The following GFRA1 variants were observed in gnomAD, a reference collection of about 807,000 sequenced individuals.
The protein encoded by GFRA1 is GDNF family receptor alpha-1.
In GFRA1, 16 loss-of-function variants were observed where a neutral mutation model predicts 51.6. The observed-to-expected ratio is 0.31, with a 90% confidence interval of 0.21 to 0.47. The LOEUF (loss-of-function observed/expected upper bound fraction) is 0.47. GFRA1 is among the 20% of genes least tolerant of loss of function. The probability of loss-of-function intolerance (pLI) is 1.00; values close to 1 mark genes in which losing one functional copy is unlikely to be tolerated. For synonymous variants in GFRA1, 270 were observed against 241.3 expected (o/e 1.12, Z -1.10); for missense variants, 530 against 594.3 (o/e 0.89, Z 1.13).
At chr10:116,145,618 A>T (rs1056898286) in intron 5 of GFRA1, among the ~76,000 whole-genome samples, 1 of 152,222 alleles carries the variant, frequency 6.6e-6, no homozygotes, top group Non-Finnish European at 1.5e-5. Flanking sequence ...ACTTATGTTA[A>T]AATATTTTAT....
At position 116,064,427 on chromosome 10, in the gene GFRA1, T is replaced by C. The variant is rs201596780; in HGVS notation, c.1369A>G (p.Thr457Ala). 2 of 1,612,924 alleles carry C rather than the reference T, an allele frequency of 1.2e-6. No homozygotes were observed. Among genetic ancestry groups the C allele is most frequent in the South Asian group, 2.2e-5 (2 of 90,992 alleles). Reference protein sequence around the residue: ...LLVLVVTALSTLLSLTETS With the variant: ...LLVLVVTALSALLSLTETS ...GATGTTTCTGTTAAAGATAATAGGG[T>C]GGACAGAGCGGTTACCACCAGGACC... The change falls in exon 11 of 11, where the codon ACC becomes GCC. Residue 457 changes from threonine to alanine, a missense_variant. Physicochemically the swap from Thr to Ala is moderately conservative, Grantham distance 58. Transcript: ENST00000355422.
intron 4 of GFRA1, among the ~76,000 whole-genome samples, chr10:116,226,461 GGCTTT>G (rs1966300226): frequency 6.6e-6 from 1 of 152,116 alleles, no homozygotes; most frequent in Admixed American, 6.6e-5. Flanking sequence ...ATCGACAAGC[GGCTTT>G]GCATGTCATC....
Position 116,208,848 on chromosome 10 carries a change from C to G in GFRA1, c.433+2783G>C, listed in dbSNP as rs1012176309. 3.9e-5 allele frequency among the ~76,000 whole-genome samples: 6 copies of G among 152,226 alleles called. No homozygotes were observed. The South Asian group carries it at 1.2e-3, about 32-fold the overall frequency. On this transcript the variant is annotated intron_variant, in intron 5 of 10. Transcript: ENST00000355422. ...TAGTAAATGATTGGTATTAAAGTAC[C>G]CTAAAACTCATGACCCTAGACACAC...
At chr10:116,244,426 T>C (rs1314282570) in intron 4 of GFRA1, among the ~76,000 whole-genome samples, 2 of 147,058 alleles carry the variant, frequency 1.4e-5, no homozygotes, top group Non-Finnish European at 1.5e-5. Context: ...TTTTATTTCA[T>C]TTAATGTTAA....
intron 4 of GFRA1, among the ~76,000 whole-genome samples, chr10:116,244,612 TAGAA>T (rs1465981185): frequency 2.0e-5 from 3 of 151,392 alleles, no homozygotes; most frequent in Non-Finnish European, 4.4e-5. Flanking sequence ...CAACAAAACA[TAGAA>T]GGAGAGAGGA....
intron 4 of GFRA1, among the ~76,000 whole-genome samples, chr10:116,223,710 T>C (rs114473416): frequency 0.01 from 1,541 of 152,352 alleles, 25 homozygotes; most frequent in African/African-American, 0.035. Flanking sequence ...TAAATGTGAT[T>C]ACCACAGTTC....
chr10:116,212,973 A>G (rs1280665282), intron 4 of GFRA1, among the ~76,000 whole-genome samples: 1 of 152,214 alleles, frequency 6.6e-6, no homozygotes, highest in Non-Finnish European at 1.5e-5. Flanking sequence ...TCATTTGCTC[A>G]TGCTTTCTCA....
intron 5 of GFRA1, among the ~76,000 whole-genome samples, chr10:116,131,685 C>T (rs1356036128): frequency 2.0e-5 from 3 of 151,930 alleles, no homozygotes; most frequent in Admixed American, 6.6e-5. Context: ...ATATATAGTT[C>T]GGGAATAGGC....
At chr10:116,166,657 A>G (rs928830172) in intron 5 of GFRA1, among the ~76,000 whole-genome samples, 3 of 152,134 alleles carry the variant, frequency 2.0e-5, no homozygotes, top group Admixed American at 1.3e-4. Flanking sequence ...CCTAGAGACA[A>G]GAAGGGAGGA....
intron 5 of GFRA1, among the ~76,000 whole-genome samples, chr10:116,163,620 C>T (rs377023151): frequency 6.6e-6 from 1 of 152,220 alleles, no homozygotes; most frequent in African/African-American, 2.4e-5. Context: ...GCTGTGGTCA[C>T]TCCCCCAGCA....
At chr10:116,263,614 T>C (rs1969447856) in intron 4 of GFRA1, among the ~76,000 whole-genome samples, 1 of 152,104 alleles carries the variant, frequency 6.6e-6, no homozygotes, top group African/African-American at 2.4e-5. Context: ...TTGTCTATGA[T>C]ACATGGTGGC....
chr10:116,095,552 A>G (rs960289427), intron 7 of GFRA1, among the ~76,000 whole-genome samples: 1 of 152,214 alleles, frequency 6.6e-6, no homozygotes, highest in Non-Finnish European at 1.5e-5. Context: ...CAATCAATAA[A>G]AATAGAAAAT....
chr10:116,241,026 CA>C (rs1967319905), intron 4 of GFRA1, among the ~76,000 whole-genome samples: 1 of 152,132 alleles, frequency 6.6e-6, no homozygotes, highest in African/African-American at 2.4e-5. Flanking sequence ...AGCTCTCAAC[CA>C]ATGTACTAAA....
intron 5 of GFRA1, among the ~76,000 whole-genome samples, chr10:116,167,652 G>A (rs1960609421): frequency 6.6e-6 from 1 of 151,364 alleles, no homozygotes; most frequent in Admixed American, 6.6e-5. Flanking sequence ...CAGTTTTAAC[G>A]TGCAGAACAG....
chr10:116,273,644 A>ACT (rs763760325), upstream of GFRA1, among the ~76,000 whole-genome samples: 114 of 146,586 alleles, frequency 7.8e-4, no homozygotes, highest in African/African-American at 2.8e-3. Context: ...CCAGACACAC[A>ACT]CACTCTCTCT....
Position 116,092,096 on chromosome 10 carries a change from T to TACACACACACACAC in GFRA1, c.1015+1592_1015+1605dup, listed in dbSNP as rs58442181. 6.6e-3 allele frequency among the ~76,000 whole-genome samples: 909 copies of TACACACACACACAC among 138,166 alleles called. 12 individuals carry two copies. Among genetic ancestry groups the TACACACACACACAC allele is most frequent in the East Asian group, 0.017 (72 of 4,324 alleles). The allele number at this position is 138,166 out of a possible 152,430, so 90.6% of individuals were successfully genotyped here. A position where few individuals can be genotyped will look rare whatever the true frequency, so the allele number is the denominator to read the frequency against. ...AAAAGAGGAAATATACATACATACG[T>TACACACACACACAC]ACACACACACACACACACACACACA... On this transcript the variant is annotated intron_variant, in intron 8 of 10. Transcript: ENST00000355422.
intron 5 of GFRA1, among the ~76,000 whole-genome samples, chr10:116,146,892 T>C (rs1336694921): frequency 6.6e-6 from 1 of 152,176 alleles, no homozygotes; most frequent in Non-Finnish European, 1.5e-5. Context: ...TTCATGTAAA[T>C]GCACTACAAG....
intron 6 of GFRA1, among the ~76,000 whole-genome samples, chr10:116,117,597 ATGGG>A (rs1168417174): frequency 1.3e-3 from 145 of 112,312 alleles, no homozygotes; most frequent in Non-Finnish European, 2.1e-3. Context: ...GGATGGATGG[ATGGG>A]TGGATGGGTG....
intron 5 of GFRA1, among the ~76,000 whole-genome samples, chr10:116,128,852 A>C (rs1171517378): frequency 1.5e-5 from 2 of 131,484 alleles, no homozygotes; most frequent in African/African-American, 5.3e-5. Context: ...TTAGAAAAGC[A>C]ATATTTTTTT....
Sources: gnomAD v4.1 joint callset for allele counts (sites outside exome capture counted in the v4.1 genomes callset) on GRCh38, gnomAD v4.1.1 for gene constraint, MANE v1.5 for transcripts, NCBI Gene and HGNC (gene_info 2026-07-23, HGNC 2026-07-21) for gene names.